THSD4: variants seen among roughly 807,000 people sequenced by gnomAD.
The protein encoded by THSD4 is thrombospondin type 1 domain containing 4, also known as thrombospondin type-1 domain-containing protein 4.
In THSD4, 69 loss-of-function variants were observed where a neutral mutation model predicts 119.0. The observed-to-expected ratio is 0.58, with a 90% CI of 0.48 to 0.71. The LOEUF (loss-of-function observed/expected upper bound fraction) is 0.71, where lower values mean the gene tolerates loss of function less well. Among genes scored for constraint, THSD4 ranks in the 30% least tolerant of loss-of-function variants. The probability of loss-of-function intolerance (pLI) is 0.00; values close to 1 mark genes in which losing one functional copy is unlikely to be tolerated. For synonymous variants in THSD4, 524 were observed against 540.4 expected, an observed-to-expected ratio of 0.97 and a Z score of 0.42; for missense variants, 1,393 against 1,391.1, an observed-to-expected ratio of 1.00 and a Z score of -0.02.
intron 6 of THSD4, among the ~76,000 whole-genome samples, chr15:71,310,835 A>C (rs79739558): frequency 0.023 from 3,441 of 152,276 alleles, 52 homozygotes; most frequent in African/African-American, 0.047. Context: ...GCCTTGGTGG[A>C]GAATGGGACT....
At chr15:71,217,786 G>A (rs1361777037) in intron 4 of THSD4, among the ~76,000 whole-genome samples, 1 of 135,934 alleles carries the variant, frequency 7.4e-6, no homozygotes, top group African/African-American at 2.8e-5. Context: ...ACCAGGCACT[G>A]TTCTTTTTTT....
chr15:71,690,206 G>A (rs2052016848), intron 8 of THSD4, among the ~76,000 whole-genome samples: 1 of 152,150 alleles, frequency 6.6e-6, no homozygotes, highest in Admixed American at 6.5e-5. Flanking sequence ...GTGATTAATG[G>A]GTAATTGCCT....
At chr15:71,537,371 C>A (rs980811921) in intron 7 of THSD4, among the ~76,000 whole-genome samples, 1 of 152,194 alleles carries the variant, frequency 6.6e-6, no homozygotes, top group Admixed American at 6.5e-5. Flanking sequence ...AAGAAAAAAT[C>A]TCTGCAACAT....
chr15:71,455,607 G>A (rs1595784943), intron 7 of THSD4, among the ~76,000 whole-genome samples: 2 of 152,192 alleles, frequency 1.3e-5, no homozygotes, highest in South Asian at 4.2e-4. Flanking sequence ...TAAGGAGTTG[G>A]GCTGTAATAA....
intron 7 of THSD4, among the ~76,000 whole-genome samples, chr15:71,545,884 C>A (rs1595873773): frequency 6.6e-6 from 1 of 152,270 alleles, no homozygotes; most frequent in East Asian, 1.9e-4. Flanking sequence ...AATAAACTTT[C>A]TGAGATGGCT....
intron 7 of THSD4, among the ~76,000 whole-genome samples, chr15:71,474,818 A>T (rs956123983): frequency 6.6e-6 from 1 of 152,058 alleles, no homozygotes; most frequent in Non-Finnish European, 1.5e-5. Flanking sequence ...CTACTTGACC[A>T]TCTCCTTCTG....
At chr15:71,107,421 A>T (rs2040278733) in intron 1 of THSD4, among the ~76,000 whole-genome samples, 1 of 152,150 alleles carries the variant, frequency 6.6e-6, no homozygotes, top group Non-Finnish European at 1.5e-5. Flanking sequence ...AAGAAAAGAA[A>T]GAAAGCAAAA....
chr15:71,304,301 G>A (rs1373886403), intron 6 of THSD4, among the ~76,000 whole-genome samples: 6 of 151,988 alleles, frequency 3.9e-5, no homozygotes, highest in Non-Finnish European at 7.4e-5. Flanking sequence ...GAGTGAAGGG[G>A]AAAGAAGAAG....
intron 7 of THSD4, among the ~76,000 whole-genome samples, chr15:71,643,830 T>C (rs1228917496): frequency 6.6e-6 from 1 of 152,188 alleles, no homozygotes; most frequent in Non-Finnish European, 1.5e-5. Context: ...GAAGAGTTCT[T>C]AATTAACATA....
chr15:71,776,495 A>G (rs1458604989), intron 17 of THSD4, among the ~76,000 whole-genome samples: 1 of 152,242 alleles, frequency 6.6e-6, no homozygotes, highest in East Asian at 1.9e-4. Flanking sequence ...ATCATTTCAC[A>G]TTCACTAGCT....
intron 4 of THSD4, among the ~76,000 whole-genome samples, chr15:71,238,312 A>G (rs2044123650): frequency 6.6e-6 from 1 of 152,246 alleles, no homozygotes; most frequent in East Asian, 1.9e-4. Flanking sequence ...AACTTTATTG[A>G]GATATAACTT....
intron 8 of THSD4, among the ~76,000 whole-genome samples, chr15:71,727,779 A>AAG (rs398027862): frequency 8.5e-5 from 11 of 129,100 alleles, no homozygotes; most frequent in Middle Eastern, 3.7e-3. Context: ...CAAAAAAAAA[A>AAG]GGGGAGGGCT....
chr15:71,240,694 C>T (rs1322631492), intron 4 of THSD4, among the ~76,000 whole-genome samples: 7 of 152,052 alleles, frequency 4.6e-5, no homozygotes, highest in African/African-American at 9.7e-5. Context: ...AACACACATA[C>T]GCAGAAATTC....
At chr15:71,148,485 G>A (rs1001410216) in intron 2 of THSD4, among the ~76,000 whole-genome samples, 1 of 151,888 alleles carries the variant, frequency 6.6e-6, no homozygotes, top group African/African-American at 2.4e-5. Context: ...ATGAATTTGT[G>A]TAAGAAAACA....
In THSD4 at chr15:71,765,790, C is replaced by G. The variant is rs552876412; in HGVS notation, c.2769+591C>G. Among the ~76,000 whole-genome samples the G allele has an allele frequency of 1.5e-3, 219 of 146,332 alleles. 3 individuals are homozygous for G. The South Asian group carries it at 0.018, about 12-fold the overall frequency. Reference sequence around the variant, plus strand: ...ACACAAACACACACGCACACACTCTCTGTGTGTGTGTGTGTGTGTGTGTGT... The same window carrying G: ...ACACAAACACACACGCACACACTCTGTGTGTGTGTGTGTGTGTGTGTGTGT... On this transcript the variant is annotated intron_variant, in intron 16 of 17. Coordinates refer to ENST00000261862, the MANE Select transcript of THSD4 (RefSeq NM_024817.3).
chr15:71,772,492 C>T (rs2053839795), intron 17 of THSD4, among the ~76,000 whole-genome samples: 1 of 152,130 alleles, frequency 6.6e-6, no homozygotes, highest in Non-Finnish European at 1.5e-5. Context: ...TAGATAGAAA[C>T]ATTAACATGT....
chr15:71,236,235 C>G (rs1389625511), intron 4 of THSD4, among the ~76,000 whole-genome samples: 2 of 152,220 alleles, frequency 1.3e-5, no homozygotes, highest in East Asian at 1.9e-4. Context: ...GGGCGGGGCT[C>G]TCACTCTGCC....
chr15:71,415,477 T>G (rs1251582895), intron 7 of THSD4, among the ~76,000 whole-genome samples: 1 of 152,254 alleles, frequency 6.6e-6, no homozygotes, highest in Non-Finnish European at 1.5e-5. Context: ...CAATATATAA[T>G]AATCACATCA....
At chr15:71,560,970 C>CTTTTTTT (rs11292320) in intron 7 of THSD4, among the ~76,000 whole-genome samples, 2 of 123,988 alleles carry the variant, frequency 1.6e-5, no homozygotes, top group East Asian at 2.6e-4. Flanking sequence ...TTCTCTTTAT[C>CTTTTTTT]TTTTTTTTTT....
Sources: gnomAD v4.1 joint callset for allele counts (sites outside exome capture counted in the v4.1 genomes callset) on GRCh38, gnomAD v4.1.1 for gene constraint, MANE v1.5 for transcripts, NCBI Gene and HGNC (gene_info 2026-07-23, HGNC 2026-07-21) for gene names.